RASAL2: variants seen among roughly 807,000 people sequenced by gnomAD.
The protein encoded by RASAL2 is ras GTPase-activating protein nGAP.
A neutral mutation model predicts 128.9 loss-of-function variants in RASAL2; 58 were observed. That is an observed-to-expected ratio of 0.45 (90% CI 0.36 to 0.56). RASAL2 has a LOEUF of 0.56. RASAL2 is among the 20% of genes least tolerant of loss of function. The pLI, the probability that RASAL2 is intolerant of heterozygous loss-of-function variation, is 0.00. For missense variants in RASAL2, 1,360 were observed against 1,601.6 expected, an observed-to-expected ratio of 0.85 and a Z score of 2.57; for synonymous variants, 561 against 580.8, an observed-to-expected ratio of 0.97 and a Z score of 0.49.
Position 178,475,634 on chromosome 1 carries a change from A to AT in RASAL2, c.*2396dup, listed in dbSNP as rs1399834824. The AT allele has an allele frequency of 1.3e-5, 2 of 152,242 alleles. No homozygotes were observed. The highest frequency in any genetic ancestry group is 4.8e-5 in the African/African-American group (2 of 41,460). 9.4% of individuals were successfully genotyped at this position (152,242 alleles called of 1,614,324 possible). A position where few individuals can be genotyped will look rare whatever the true frequency, so the allele number is the denominator to read the frequency against. On this transcript the variant is annotated 3_prime_UTR_variant, in exon 18 of 18. Coordinates refer to ENST00000367649, the MANE Select transcript of RASAL2 (RefSeq NM_170692.4). ...TTACAGAGGGCTGATAAAATTACTT[A>AT]TATTGGGAATTGAGAGAAGCCCCAA...
intron 5 of RASAL2, among the ~76,000 whole-genome samples, chr1:178,436,520 A>G (rs916236554): frequency 1.3e-5 from 2 of 152,136 alleles, no homozygotes; most frequent in East Asian, 3.9e-4. Flanking sequence ...CTGTAAAAGA[A>G]GAAAATATAT....
chr1:178,286,491 A>T (rs907369303), intron 2 of RASAL2, among the ~76,000 whole-genome samples: 1 of 151,904 alleles, frequency 6.6e-6, no homozygotes, highest in African/African-American at 2.4e-5. Flanking sequence ...GCTCACTGCA[A>T]CCTCCGCCTC....
rs535248085 is a variant in RASAL2 at position 178,172,511 on chromosome 1, C to T, written c.202+77817C>T. Among the ~76,000 whole-genome samples, 11 of 152,036 alleles carry T rather than the reference C, an allele frequency of 7.2e-5. No homozygotes were observed. The South Asian group carries it at 1.7e-3, about 23-fold the overall frequency. On this transcript the variant is annotated intron_variant, in intron 1 of 17. Transcript: ENST00000367649. ...TCTCAATCCTATCAGACCTATTGCC[C>T]GCTTGTTGTAGCAAATATTTTGTGA...
chr1:178,122,900 A>G (rs1473338337), intron 1 of RASAL2, among the ~76,000 whole-genome samples: 1 of 151,616 alleles, frequency 6.6e-6, no homozygotes, highest in African/African-American at 2.4e-5. Context: ...TTTAAAATTA[A>G]TTTTTAGATC....
At chr1:178,462,998 C>T (rs1402365507) in intron 14 of RASAL2, among the ~76,000 whole-genome samples, 2 of 152,124 alleles carry the variant, frequency 1.3e-5, no homozygotes, top group Admixed American at 1.3e-4. Context: ...CTTTTAGTCT[C>T]TGCAATCAGT....
chr1:178,219,536 G>A (rs572078302), intron 1 of RASAL2, among the ~76,000 whole-genome samples: 23 of 151,666 alleles, frequency 1.5e-4, no homozygotes, highest in African/African-American at 5.3e-4. Flanking sequence ...CTCTACTCAG[G>A]AGGCTGCGGT....
intron 5 of RASAL2, among the ~76,000 whole-genome samples, chr1:178,421,919 T>A (rs12087914): frequency 0.044 from 6,676 of 152,042 alleles, 479 homozygotes; most frequent in African/African-American, 0.15. Context: ...TTTTAAAATA[T>A]TTTTCTTAGT....
intron 3 of RASAL2, among the ~76,000 whole-genome samples, chr1:178,388,904 T>G (rs1480929460): frequency 6.6e-6 from 1 of 152,162 alleles, no homozygotes; most frequent in African/African-American, 2.4e-5. Context: ...GGATGTGCAG[T>G]CAGAACGATT....
chr1:178,334,816 G>T (rs1357523632), intron 3 of RASAL2, among the ~76,000 whole-genome samples: 3 of 152,146 alleles, frequency 2.0e-5, no homozygotes, highest in African/African-American at 7.2e-5. Flanking sequence ...AAATTAGCTG[G>T]ATGTGGTGCT....
chr1:178,247,326 T>A (rs971577266), intron 1 of RASAL2, among the ~76,000 whole-genome samples: 1 of 143,120 alleles, frequency 7.0e-6, no homozygotes, highest in African/African-American at 2.8e-5. Context: ...TTTATCCATT[T>A]CTTCTAGAAT....
chr1:178,451,824 A>G lies in RASAL2; in HGVS notation c.1772+109A>G, dbSNP rs16852838. On this transcript the variant is annotated intron_variant, in intron 10 of 17. Transcript: ENST00000367649. ...TCACAATGTTAACAATTATTTTACA[A>G]CCAAAGGGGAGGGTCTTGGAGAAAA... The G allele has an allele frequency of 0.015, 19,626 of 1,347,012 alleles. 1,891 individuals are homozygous for G. The African/African-American group carries it at 0.23, about 16-fold the overall frequency. The allele number at this position is 1,347,012 out of a possible 1,614,324, so 83.4% of individuals were successfully genotyped here. A position where few individuals can be genotyped will look rare whatever the true frequency, so the allele number is the denominator to read the frequency against.
At chr1:178,335,093 A>G (rs894755208) in intron 3 of RASAL2, among the ~76,000 whole-genome samples, 16 of 152,186 alleles carry the variant, frequency 1.1e-4, no homozygotes, top group African/African-American at 3.9e-4. Flanking sequence ...TTTTGTCACT[A>G]TCACTATCCT....
Position 178,458,533 on chromosome 1 carries a change from C to G in RASAL2, c.3241C>G (p.Gln1081Glu). 1 of 1,608,476 alleles carries G rather than the reference C, an allele frequency of 6.2e-7. No homozygotes were observed. The highest frequency in any genetic ancestry group is 1.7e-5 in the Admixed American group (1 of 59,550). The change falls in exon 14 of 18, where the codon CAG becomes GAG. Residue 1081 changes from glutamine (Q) to glutamate (E), a missense_variant. Gln to Glu is a conservative substitution (Grantham distance 29). Coordinates refer to ENST00000367649, the MANE Select transcript of RASAL2 (RefSeq NM_170692.4). ...CAAAGTTAGAGCAATCCAGAGACAA[C>G]AGACACAGCAGGTAGGTGTGAGTGC... Reference protein sequence around the residue: ...VPKVRAIQRQQTQQVQSPVDS... With the variant: ...VPKVRAIQRQETQQVQSPVDS...
intron 2 of RASAL2, among the ~76,000 whole-genome samples, chr1:178,285,203 C>T (rs1666968027): frequency 6.7e-6 from 1 of 148,238 alleles, no homozygotes; most frequent in African/African-American, 2.5e-5. Flanking sequence ...TCACTGCAAG[C>T]TCCGCTTCCC....
At chr1:178,394,401 A>G (rs1357311247) in intron 4 of RASAL2, among the ~76,000 whole-genome samples, 2 of 152,238 alleles carry the variant, frequency 1.3e-5, no homozygotes. Flanking sequence ...CAGAAAGAGA[A>G]AATGATTATG....
At chr1:178,220,677 G>A (rs1383041889) in intron 1 of RASAL2, among the ~76,000 whole-genome samples, 1 of 152,202 alleles carries the variant, frequency 6.6e-6, no homozygotes, top group Non-Finnish European at 1.5e-5. Flanking sequence ...ACAGTATGTA[G>A]CCTTTTCAGA....
chr1:178,200,072 C>T lies in RASAL2; in HGVS notation c.203-83492C>T, dbSNP rs1049537620. ...TTGCAGACGGCCTATTATGGTACCT[C>T]GTGATCGTGTGAGTTAATACTCCTT... is the stretch of plus-strand genomic sequence containing the variant. On this transcript the variant is annotated intron_variant, in intron 1 of 17. Transcript: ENST00000367649. 1.5e-4 allele frequency among the ~76,000 whole-genome samples: 23 copies of T among 152,240 alleles called. 1 individual carries two copies. The highest frequency in any genetic ancestry group is 5.1e-4 in the African/African-American group (21 of 41,536).
At chr1:178,282,950 A>C (rs979044751) in intron 1 of RASAL2, among the ~76,000 whole-genome samples, 1 of 152,184 alleles carries the variant, frequency 6.6e-6, no homozygotes, top group Admixed American at 6.6e-5. Context: ...TTGCTGAGAC[A>C]TTTTGCTTTA....
intron 1 of RASAL2, among the ~76,000 whole-genome samples, chr1:178,252,662 A>G (rs1001329737): frequency 1.3e-5 from 2 of 152,194 alleles, no homozygotes; most frequent in Non-Finnish European, 2.9e-5. Flanking sequence ...AAGCTCAAGG[A>G]GGAATCTTTA....
Sources: allele counts gnomAD v4.1 joint callset (sites outside exome capture counted in the v4.1 genomes callset), GRCh38; gene constraint gnomAD v4.1.1; transcripts MANE v1.5; gene names NCBI Gene and HGNC (gene_info 2026-07-23, HGNC 2026-07-21).